The following CAPN2 variants were observed in gnomAD, a reference collection of about 807,000 sequenced individuals.
The protein encoded by CAPN2 is calpain 2, also known as calpain-2 catalytic subunit.
CAPN2 carries 92 observed loss-of-function variants against 102.3 expected under a neutral mutation model. The ratio of observed to expected loss-of-function variants is 0.90; its 90% confidence interval spans 0.76 to 1.07. The LOEUF is 1.07. CAPN2 is among the 50% of genes least tolerant of loss of function. The pLI is 0.00. For missense variants in CAPN2, 800 were observed against 909.4 expected (o/e 0.88, Z 1.55); for synonymous variants, 340 against 355.4 (o/e 0.96, Z 0.49).
Position 223,742,516 on chromosome 1 carries a change from ATATTT to A in CAPN2, c.308-1582_308-1578del, listed in dbSNP as rs1294697755. Among the ~76,000 whole-genome samples, 35 of 113,866 alleles carry A rather than the reference ATATTT, an allele frequency of 3.1e-4. No individual in the cohort carries two copies. In the East Asian group the frequency reaches 7.0e-3, roughly 23 times the overall value. The allele number at this position is 113,866 out of a possible 152,430, so 74.7% of individuals were successfully genotyped here. On this transcript the variant is annotated intron_variant, in intron 2 of 20. Coordinates refer to ENST00000295006, the MANE Select transcript of CAPN2 (RefSeq NM_001748.5). ...TATGTGTGTATATATATATATATATATATTTTTTTTTTTTTTTTTGAGACAGGGTC... is the reference window on the plus strand; with the variant it reads ...TATGTGTGTATATATATATATATATATTTTTTTTTTTTTTGAGACAGGGTC...
At chr1:223,764,058 C>T (rs1371455222) in intron 14 of CAPN2, 92 bp from the exon 15 acceptor site, 10 of 980,974 alleles carry the variant, frequency 1.0e-5, no homozygotes, top group Middle Eastern at 5.0e-4. Context: ...ATAGGCCCCA[C>T]CGCAGGCCTA....
intron 5 of CAPN2, among the ~76,000 whole-genome samples, chr1:223,748,713 G>T (rs1205684263): frequency 1.3e-5 from 2 of 150,042 alleles, no homozygotes; most frequent in Non-Finnish European, 2.9e-5. Context: ...ACCCCCTCCA[G>T]CCCTCTCTCG....
At position 223,724,677 on chromosome 1, in the gene CAPN2, G is replaced by A. The variant is rs986062597; in HGVS notation, c.307+6846G>A. Among the ~76,000 whole-genome samples the A allele has an allele frequency of 6.6e-5, 10 of 152,300 alleles. 1 individual carries two copies. The highest frequency in any genetic ancestry group is 3.9e-4 in the East Asian group (2 of 5,182). ...CATCAGAGCCAAACAATGCACAGACGTCAATAAACAGGCAGGGCATGGTGG... is the reference window on the plus strand; with the variant it reads ...CATCAGAGCCAAACAATGCACAGACATCAATAAACAGGCAGGGCATGGTGG... On this transcript the variant is annotated intron_variant, in intron 2 of 20. Transcript: ENST00000295006.
At position 223,756,032 on chromosome 1, in the gene CAPN2, G is replaced by A. The variant is rs1406140025; in HGVS notation, c.1305+383G>A. ...TGAGGGCAGGACTGAGTCCATGGGT[G>A]CAGCTGCTCAGAGCTCGGCAAAGTC... On this transcript the variant is annotated intron_variant, in intron 10 of 20. Coordinates refer to ENST00000295006, the MANE Select transcript of CAPN2 (RefSeq NM_001748.5). The surrounding 1 kb of genome is among the most constrained non-coding windows in gnomAD (Gnocchi z 4.1). Among the ~76,000 whole-genome samples the A allele has an allele frequency of 2.0e-5, 3 of 152,252 alleles. No individual in the cohort carries two copies. The highest frequency in any genetic ancestry group is 4.4e-5 in the Non-Finnish European group (3 of 68,044).
At chr1:223,723,049 G>A (rs573726858) in intron 2 of CAPN2, among the ~76,000 whole-genome samples, 9 of 152,314 alleles carry the variant, frequency 5.9e-5, no homozygotes, top group Admixed American at 1.3e-4. Context: ...TAATAAGTAT[G>A]CAGTGGCTCA....
intron 20 of CAPN2, among the ~76,000 whole-genome samples, chr1:223,774,315 A>T (rs886080850): frequency 1.3e-5 from 2 of 152,104 alleles, no homozygotes; most frequent in Non-Finnish European, 2.9e-5. Context: ...CTTTGCAAGG[A>T]TGAGCCATGT....
rs1660330741 is a variant in CAPN2 at position 223,731,366 on chromosome 1, A to G, written c.308-12734A>G. Among the ~76,000 whole-genome samples the G allele has an allele frequency of 6.6e-6, 1 of 151,962 alleles. No homozygotes were observed. The highest frequency in any genetic ancestry group is 2.1e-4 in the South Asian group (1 of 4,814). On this transcript the variant is annotated intron_variant, in intron 2 of 20. Coordinates refer to ENST00000295006, the MANE Select transcript of CAPN2 (RefSeq NM_001748.5). The surrounding 1 kb of genome is among the most constrained non-coding windows in gnomAD (Gnocchi z 4.2). ...CCAGTTCCCAATGCCCAGCCCCACA[A>G]TGCCCGTCCTGCTGCCTGCCTGTTC...
At chr1:223,720,250 C>G (rs1009848787) in intron 2 of CAPN2, among the ~76,000 whole-genome samples, 3 of 151,814 alleles carry the variant, frequency 2.0e-5, no homozygotes, top group Non-Finnish European at 4.4e-5. Context: ...TAACCAGCTA[C>G]TCCTCATTCC....
Position 223,755,671 on chromosome 1 carries a change from G to A in CAPN2, c.1305+22G>A. ...TGAGGTGCAGAGCGCAGGGGCTCCT[G>A]CCCTCCCTTCCCCATGTGTTCATCT... On this transcript the variant is annotated intron_variant, in intron 10 of 20. Coordinates refer to ENST00000295006, the MANE Select transcript of CAPN2 (RefSeq NM_001748.5). This position sits in a 1 kb window ranked among gnomAD's most constrained non-coding sequence, Gnocchi z 4.1. The A allele has an allele frequency of 6.5e-7, 1 of 1,539,914 alleles. No homozygotes were observed. Among genetic ancestry groups the A allele is most frequent in the Non-Finnish European group, 8.7e-7 (1 of 1,143,094 alleles).
chr1:223,712,296 C>T (rs1203198164), upstream of CAPN2: 2 of 243,576 alleles, frequency 8.2e-6, no homozygotes, highest in African/African-American at 2.3e-5. Context: ...CCTCGGGTTC[C>T]GGTGGGAGCC....
intron 1 of CAPN2, among the ~76,000 whole-genome samples, chr1:223,713,645 C>T (rs1193561581): frequency 6.6e-6 from 1 of 152,136 alleles, no homozygotes; most frequent in Non-Finnish European, 1.5e-5. Context: ...TGGGACACTT[C>T]CCCAGGCTTC....
At position 223,731,682 on chromosome 1, in the gene CAPN2, G is replaced by A. The variant is rs1660339669; in HGVS notation, c.308-12418G>A. Among the ~76,000 whole-genome samples the A allele has an allele frequency of 6.6e-6, 1 of 152,218 alleles. No homozygotes were observed. The highest frequency in any genetic ancestry group is 2.1e-4 in the South Asian group (1 of 4,824). On this transcript the variant is annotated intron_variant, in intron 2 of 20. Transcript: ENST00000295006. The surrounding 1 kb of genome is among the most constrained non-coding windows in gnomAD (Gnocchi z 4.2). ...CAAGGAGCCTGAGACTAGATTGGAGGGGAAAGAGACATGTCCTCCAGAGTT... is the reference window on the plus strand; with the variant it reads ...CAAGGAGCCTGAGACTAGATTGGAGAGGAAAGAGACATGTCCTCCAGAGTT...
rs1407041843 is a variant in CAPN2 at position 223,717,654 on chromosome 1, G to A, written c.238-108G>A. 1.2e-5 allele frequency: 10 copies of A among 818,254 alleles called. No homozygotes were observed. In the Admixed American group the frequency reaches 2.0e-4, roughly 16 times the overall value. 50.7% of individuals were successfully genotyped at this position (818,254 alleles called of 1,614,324 possible). On this transcript the variant is annotated intron_variant, in intron 1 of 20. Coordinates refer to ENST00000295006, the MANE Select transcript of CAPN2 (RefSeq NM_001748.5). ...GTGATGACACACTTTCCCCAGAGGG[G>A]AGGGGAAGGGGAGAAGGGGTTAGAA...
intron 7 of CAPN2, 131 bp downstream of exon 7, chr1:223,751,106 A>C: frequency 2.4e-6 from 2 of 826,484 alleles, no homozygotes; most frequent in Non-Finnish European, 4.0e-6. Context: ...GGCCACGTGG[A>C]CAGGGACCCG....
At chr1:223,757,688 T>C in intron 11 of CAPN2, 1 of 470,350 alleles carries the variant, frequency 2.1e-6, no homozygotes, top group East Asian at 3.4e-5. Context: ...TTTCACAAAG[T>C]TCTTTGTCAC....
Position 223,775,183 on chromosome 1 carries a change from A to AAAAAAATATT in CAPN2, c.*329_*330insAAATATTAAA, listed in dbSNP as rs1245993545. ...CATAGCAATATTAAATCAGGAAAAAAAAATGCAGGGAGGTATTTAACAGCT... is the reference window on the plus strand; with the variant it reads ...CATAGCAATATTAAATCAGGAAAAAAAAAAAATATTAAATGCAGGGAGGTATTTAACAGCT... On this transcript the variant is annotated 3_prime_UTR_variant, in exon 21 of 21. Coordinates refer to ENST00000295006, the MANE Select transcript of CAPN2 (RefSeq NM_001748.5). The AAAAAAATATT allele has an allele frequency of 1.2e-3, 301 of 248,516 alleles. 1 individual carries two copies. The highest frequency in any genetic ancestry group is 2.5e-3 in the East Asian group (31 of 12,204). The allele number at this position is 248,516 out of a possible 1,614,324, so 15.4% of individuals were successfully genotyped here. A position where few individuals can be genotyped will look rare whatever the true frequency, so the allele number is the denominator to read the frequency against.
chr1:223,751,044 C>T (rs568276038), intron 7 of CAPN2, 69 bp downstream of exon 7: 21 of 1,253,872 alleles, frequency 1.7e-5, no homozygotes, highest in South Asian at 5.1e-5. Context: ...GGGAAGAGGG[C>T]GAGAGAAGAA....
At position 223,750,871 on chromosome 1, in the gene CAPN2, C is replaced by T. The variant is rs901838709; in HGVS notation, c.814-19C>T. ...CTTGAACTCAACCTCTTACTCCTCC[C>T]TTTTATCTAATCCTGCAGGTTGAAA... On this transcript the variant is annotated intron_variant, in intron 6 of 20. Coordinates refer to ENST00000295006, the MANE Select transcript of CAPN2 (RefSeq NM_001748.5). 10 of 1,550,572 alleles carry T rather than the reference C, an allele frequency of 6.4e-6. No homozygotes were observed. Among genetic ancestry groups the T allele is most frequent in the Non-Finnish European group, 8.7e-6 (10 of 1,145,986 alleles).
At chr1:223,718,523 G>C (rs1201729751) in intron 2 of CAPN2, among the ~76,000 whole-genome samples, 2 of 152,208 alleles carry the variant, frequency 1.3e-5, no homozygotes, top group Non-Finnish European at 2.9e-5. Flanking sequence ...AAAGCTTCTA[G>C]GAAGTCCCAG....
Sources: gnomAD v4.1 joint callset for allele counts (sites outside exome capture counted in the v4.1 genomes callset) on GRCh38, gnomAD v4.1.1 for gene constraint, Gnocchi (gnomAD v3.1) non-coding constraint, MANE v1.5 for transcripts, NCBI Gene and HGNC (gene_info 2026-07-23, HGNC 2026-07-21) for gene names.